Variants in PALM2AKAP2 observed in about 807,000 individuals in gnomAD.
PALM2AKAP2 encodes PALM2-AKAP2 fusion protein.
Under a neutral mutation model 71.5 loss-of-function variants are expected in PALM2AKAP2, and 37 were observed. That is an observed-to-expected ratio of 0.52 (90% confidence interval 0.40 to 0.68). The LOEUF (loss-of-function observed/expected upper bound fraction) is 0.68. PALM2AKAP2 is among the 30% of genes least tolerant of loss of function. The pLI, the probability that PALM2AKAP2 is intolerant of heterozygous loss-of-function variation, is 0.00. For missense variants in PALM2AKAP2, 1,224 were observed against 1,191.8 expected (o/e 1.03, Z -0.40); for synonymous variants, 468 against 478.8 (o/e 0.98, Z 0.29).
chr9:109,944,739 C>T (rs1831462860), intron 6 of PALM2AKAP2: 2 of 152,020 alleles, frequency 1.3e-5, no homozygotes, highest in African/African-American at 4.8e-5. Flanking sequence ...ATCTAGAACA[C>T]AATGAACAGT....
chr9:110,009,222 C>CA (rs201605092), intron 6 of PALM2AKAP2, among the ~76,000 whole-genome samples: 1,559 of 152,186 alleles, frequency 0.01, 25 homozygotes, highest in African/African-American at 0.036. Flanking sequence ...TCCTTCCATG[C>CA]GTGCCACTCT....
At chr9:109,676,703 A>G (rs1169220655) in intron 1 of PALM2AKAP2, among the ~76,000 whole-genome samples, 1 of 152,182 alleles carries the variant, frequency 6.6e-6, no homozygotes, top group Non-Finnish European at 1.5e-5. Flanking sequence ...AAGGAAAAGG[A>G]GCAGGCTGAG....
chr9:110,079,444 C>T (rs576135854), intron 1 of PALM2AKAP2, among the ~76,000 whole-genome samples: 46 of 152,042 alleles, frequency 3.0e-4, no homozygotes, highest in African/African-American at 1.1e-3. Context: ...TGCAGTGAGC[C>T]GAGATCGTGC....
intron 1 of PALM2AKAP2, among the ~76,000 whole-genome samples, chr9:109,732,536 A>G (rs538275208): frequency 6.6e-6 from 1 of 152,308 alleles, no homozygotes; most frequent in South Asian, 2.1e-4. Flanking sequence ...ACGCAAGGTT[A>G]GACTAGTTAG....
chr9:109,887,366 A>G (rs1030480692), intron 3 of PALM2AKAP2, among the ~76,000 whole-genome samples: 8 of 152,216 alleles, frequency 5.3e-5, no homozygotes, highest in Non-Finnish European at 1.2e-4. Flanking sequence ...CCACAGTGGC[A>G]TTCCACATCT....
At chr9:109,720,016 T>C (rs1828382111) in intron 1 of PALM2AKAP2, among the ~76,000 whole-genome samples, 1 of 150,688 alleles carries the variant, frequency 6.6e-6, no homozygotes, top group Non-Finnish European at 1.5e-5. Context: ...TGAGATGGAG[T>C]CTCACTCTGT....
At chr9:109,798,120 A>T (rs759968647) in intron 1 of PALM2AKAP2, among the ~76,000 whole-genome samples, 4 of 152,066 alleles carry the variant, frequency 2.6e-5, no homozygotes, top group Admixed American at 1.3e-4. Flanking sequence ...GCTTCTCCCT[A>T]TGTCTCTTCA....
intron 1 of PALM2AKAP2, among the ~76,000 whole-genome samples, chr9:109,794,645 C>T (rs971884890): frequency 3.3e-5 from 5 of 152,090 alleles, no homozygotes; most frequent in African/African-American, 1.2e-4. Flanking sequence ...TAAAAGTTGC[C>T]CATGGCCAGT....
intron 5 of PALM2AKAP2, among the ~76,000 whole-genome samples, chr9:109,929,321 T>C (rs1831035776): frequency 6.6e-6 from 1 of 152,178 alleles, no homozygotes. Context: ...CACAGATTTC[T>C]GGAAATTATC....
At chr9:109,801,740 G>A (rs941770078) in intron 1 of PALM2AKAP2, among the ~76,000 whole-genome samples, 2 of 152,106 alleles carry the variant, frequency 1.3e-5, no homozygotes, top group Non-Finnish European at 2.9e-5. Flanking sequence ...TTGTGTGTGT[G>A]TGTGAAGGGC....
intron 2 of PALM2AKAP2, among the ~76,000 whole-genome samples, chr9:110,149,018 C>A (rs955346405): frequency 6.6e-6 from 1 of 152,210 alleles, no homozygotes; most frequent in Non-Finnish European, 1.5e-5. Flanking sequence ...ATTGCAGATT[C>A]TTTTCTCTGC....
intron 1 of PALM2AKAP2, among the ~76,000 whole-genome samples, chr9:109,659,390 C>G (rs1408973288): frequency 6.6e-6 from 1 of 152,008 alleles, no homozygotes; most frequent in African/African-American, 2.4e-5. Flanking sequence ...CCAAGAATCC[C>G]CCCTACTCCC....
At chr9:109,753,333 A>G (rs1828911926) in intron 1 of PALM2AKAP2, among the ~76,000 whole-genome samples, 1 of 152,022 alleles carries the variant, frequency 6.6e-6, no homozygotes, top group Non-Finnish European at 1.5e-5. Context: ...TGTTTCCAAA[A>G]CCGTTCCAGT....
At chr9:109,805,958 G>C (rs898023694) in intron 1 of PALM2AKAP2, among the ~76,000 whole-genome samples, 2 of 152,160 alleles carry the variant, frequency 1.3e-5, no homozygotes, top group African/African-American at 4.8e-5. Context: ...CACCTCCCAG[G>C]CTCCTGACTC....
intron 6 of PALM2AKAP2, among the ~76,000 whole-genome samples, chr9:109,967,153 G>A (rs1032807069): frequency 6.6e-6 from 1 of 152,152 alleles, no homozygotes; most frequent in Non-Finnish European, 1.5e-5. Context: ...CCTCGTGTCC[G>A]GTGGTAGATG....
chr9:109,917,474 C>T (rs144927958), intron 3 of PALM2AKAP2, among the ~76,000 whole-genome samples: 1 of 149,818 alleles, frequency 6.7e-6, no homozygotes, highest in African/African-American at 2.5e-5. Flanking sequence ...CTTAAGCCAA[C>T]GCTCCTTTCC....
chr9:110,138,231 C>T, exon 2 of PALM2AKAP2: 1 of 1,614,130 alleles, frequency 6.2e-7, no homozygotes, highest in Non-Finnish European at 8.5e-7. Context: ...GCTGTGCAGC[C>T]CAGTGGCCCG....
chr9:109,968,727 G>A (rs1832004171), intron 6 of PALM2AKAP2, among the ~76,000 whole-genome samples: 1 of 152,172 alleles, frequency 6.6e-6, no homozygotes, highest in Non-Finnish European at 1.5e-5. Context: ...GCCCTAAGGA[G>A]TCCAGCCGCG....
intron 1 of PALM2AKAP2, chr9:109,760,328 G>A (rs1238275802): frequency 6.6e-6 from 1 of 152,150 alleles, no homozygotes; most frequent in Admixed American, 6.5e-5. Flanking sequence ...AGGGAGAACA[G>A]AAATTGAGAA....
Sources: allele counts gnomAD v4.1 joint callset (sites outside exome capture counted in the v4.1 genomes callset), GRCh38; gene constraint gnomAD v4.1.1; transcripts MANE v1.5; gene names NCBI Gene and HGNC (gene_info 2026-07-23, HGNC 2026-07-21).